Variants in PHLDB2 observed in about 807,000 individuals in gnomAD.
The protein encoded by PHLDB2 is pleckstrin homology-like domain family B member 2.
Under a neutral mutation model 123.6 loss-of-function variants are expected in PHLDB2, and 71 were observed. The ratio of observed to expected loss-of-function variants is 0.57; its 90% CI spans 0.47 to 0.70. The LOEUF (loss-of-function observed/expected upper bound fraction) is 0.70, where lower values mean the gene tolerates loss of function less well. Among genes scored for constraint, PHLDB2 ranks in the 30% least tolerant of loss-of-function variants. The pLI, the probability that PHLDB2 is intolerant of heterozygous loss-of-function variation, is 0.00. For missense variants in PHLDB2, 1,446 were observed against 1,519.5 expected (o/e 0.95, Z 0.80); for synonymous variants, 547 against 541.6 (o/e 1.01, Z -0.14).
intron 9 of PHLDB2, 127 bp from the exon 10 acceptor site, chr3:111,948,804 AT>A (rs1221043744): frequency 1.3e-6 from 1 of 779,562 alleles, no homozygotes; most frequent in African/African-American, 1.7e-5. Context: ...TTAATGAAAC[AT>A]TTGATAATAC....
intron 1 of PHLDB2, among the ~76,000 whole-genome samples, chr3:111,743,813 T>C (rs550029451): frequency 6.6e-6 from 1 of 152,340 alleles, no homozygotes; most frequent in South Asian, 2.1e-4. Flanking sequence ...GCCTGTTTCC[T>C]GAAGTAGGGC....
intron 2 of PHLDB2, among the ~76,000 whole-genome samples, chr3:111,910,046 G>A (rs1027284714): frequency 2.6e-5 from 4 of 152,168 alleles, no homozygotes; most frequent in African/African-American, 9.7e-5. Context: ...CCTGAGGGCT[G>A]TGAATCTGCA....
At position 111,948,979 on chromosome 3, in the gene PHLDB2, G is replaced by A. The variant is rs914440015; in HGVS notation, c.2535G>A (p.Thr845=). The change falls in exon 10 of 18, where the codon ACG becomes ACA. Residue 845 remains threonine (T), a synonymous_variant. Coordinates refer to ENST00000431670, the MANE Select transcript of PHLDB2 (RefSeq NM_001134438.2). ...TTAATGAGCCGTGTGGCAATTCCACGAATCTATCCCCTTCCACTCAGTTTC... is the reference window on the plus strand; with the variant it reads ...TTAATGAGCCGTGTGGCAATTCCACAAATCTATCCCCTTCCACTCAGTTTC... ...NEINEPCGNS[T]NLSPSTQFPA... The A allele has an allele frequency of 6.2e-6, 10 of 1,613,836 alleles. No homozygotes were observed. The highest frequency in any genetic ancestry group is 8.5e-6 in the Non-Finnish European group (10 of 1,179,930).
chr3:111,884,326 C>T lies in PHLDB2; in HGVS notation c.249C>T (p.Pro83=), dbSNP rs1385090272. 3 of 1,614,166 alleles carry T rather than the reference C, an allele frequency of 1.9e-6. 1 individual carries two copies. Among genetic ancestry groups the T allele is most frequent in the South Asian group, 2.2e-5 (2 of 91,076 alleles). Residue 83 remains proline, a synonymous_variant, in exon 2 of 18, where the codon CCC becomes CCT. Coordinates refer to ENST00000431670, the MANE Select transcript of PHLDB2 (RefSeq NM_001134438.2). ...SPLGTSVRSS[P]SLAKIQGSKQ... ...TGGGAACCAGTGTCAGAAGCAGCCC[C>T]TCCTTAGCCAAAATCCAGGGAAGCA...
At chr3:111,896,166 TG>T (rs1164028366) in intron 2 of PHLDB2, among the ~76,000 whole-genome samples, 1 of 152,142 alleles carries the variant, frequency 6.6e-6, no homozygotes, top group African/African-American at 2.4e-5. Flanking sequence ...TTGGCCAGGT[TG>T]TTCTCGAACT....
intron 1 of PHLDB2, among the ~76,000 whole-genome samples, chr3:111,824,880 G>A (rs377077503): frequency 7.0e-4 from 107 of 152,308 alleles, no homozygotes; most frequent in African/African-American, 2.4e-3. Flanking sequence ...AGTTATAGGT[G>A]CATGAATAAT....
At chr3:111,847,338 A>G (rs962598871) in intron 2 of PHLDB2, among the ~76,000 whole-genome samples, 3 of 152,228 alleles carry the variant, frequency 2.0e-5, no homozygotes. Context: ...GACAATGAAC[A>G]AGATAGAAAG....
At chr3:111,798,571 G>A (rs138260422) in intron 1 of PHLDB2, among the ~76,000 whole-genome samples, 4 of 152,060 alleles carry the variant, frequency 2.6e-5, no homozygotes, top group African/African-American at 9.6e-5. Context: ...CCAACACTTT[G>A]GGAGGCTGAG....
chr3:111,851,576 G>A (rs2064257638), intron 2 of PHLDB2, among the ~76,000 whole-genome samples: 1 of 152,118 alleles, frequency 6.6e-6, no homozygotes, highest in Non-Finnish European at 1.5e-5. Flanking sequence ...TTTAATACAG[G>A]AAGTAGAGTG....
chr3:111,953,421 G>A (rs1470840956), intron 11 of PHLDB2, among the ~76,000 whole-genome samples: 2 of 152,088 alleles, frequency 1.3e-5, no homozygotes, highest in Non-Finnish European at 2.9e-5. Context: ...TTATAAATTT[G>A]TGTTTCAAGT....
intron 17 of PHLDB2, 133 bp from the exon 18 acceptor site, chr3:111,974,290 T>C (rs578111378): frequency 4.8e-6 from 4 of 825,134 alleles, no homozygotes; most frequent in Admixed American, 3.3e-5. Context: ...GTGTGAGTTA[T>C]AGTAGAGCAA....
intron 1 of PHLDB2, among the ~76,000 whole-genome samples, chr3:111,736,729 G>A (rs940653083): frequency 3.3e-5 from 5 of 152,186 alleles, no homozygotes; most frequent in African/African-American, 1.2e-4. Context: ...CTAGAATTCT[G>A]TCAGGTCAGT....
intron 1 of PHLDB2, among the ~76,000 whole-genome samples, chr3:111,840,329 A>T (rs1463875): frequency 0.98 from 149,207 of 152,154 alleles, 73,232 homozygotes; most frequent in East Asian, 1. Flanking sequence ...TATACAATTA[A>T]TCTTCTTATA....
At chr3:111,817,366 A>T (rs1401685258) in intron 1 of PHLDB2, among the ~76,000 whole-genome samples, 1 of 152,196 alleles carries the variant, frequency 6.6e-6, no homozygotes, top group Non-Finnish European at 1.5e-5. Flanking sequence ...AGAGAAGTTT[A>T]TTTAATGTTT....
intron 6 of PHLDB2, among the ~76,000 whole-genome samples, chr3:111,937,020 G>A (rs1253093367): frequency 6.6e-6 from 1 of 152,184 alleles, no homozygotes; most frequent in African/African-American, 2.4e-5. Context: ...AACTTGAAAT[G>A]TCAACCAAAC....
At chr3:111,818,733 C>CA (rs1459648519) in intron 1 of PHLDB2, among the ~76,000 whole-genome samples, 1 of 152,142 alleles carries the variant, frequency 6.6e-6, no homozygotes, top group East Asian at 1.9e-4. Context: ...ACAAGGCTGA[C>CA]ACCAGTCCAG....
intron 9 of PHLDB2, 113 bp downstream of exon 9, chr3:111,945,470 G>A (rs1352667796): frequency 2.5e-6 from 2 of 795,814 alleles, no homozygotes; most frequent in Non-Finnish European, 4.2e-6. Flanking sequence ...ACCTGTGAAA[G>A]CACTCAATGC....
chr3:111,773,860 A>G (rs1325297131), intron 1 of PHLDB2, among the ~76,000 whole-genome samples: 2 of 152,190 alleles, frequency 1.3e-5, no homozygotes, highest in African/African-American at 4.8e-5. Context: ...GTTTCTTCTC[A>G]AATACTACCA....
intron 1 of PHLDB2, among the ~76,000 whole-genome samples, chr3:111,817,480 T>A (rs2062140972): frequency 6.6e-6 from 1 of 152,228 alleles, no homozygotes; most frequent in Non-Finnish European, 1.5e-5. Flanking sequence ...TTCTTAGTAA[T>A]AGAAGAAAAT....
Sources: gnomAD v4.1 joint callset for allele counts (sites outside exome capture counted in the v4.1 genomes callset) on GRCh38, gnomAD v4.1.1 for gene constraint, MANE v1.5 for transcripts, NCBI Gene and HGNC (gene_info 2026-07-23, HGNC 2026-07-21) for gene names.